Variants in SLC5A7 observed in about 807,000 individuals in gnomAD.
SLC5A7 encodes the protein high affinity choline transporter 1.
In SLC5A7, 19 loss-of-function variants were observed where a neutral mutation model predicts 55.4. The observed-to-expected ratio is 0.34, with a 90% CI of 0.24 to 0.50. The LOEUF (loss-of-function observed/expected upper bound fraction) is 0.50. Among genes scored for constraint, SLC5A7 ranks in the 20% least tolerant of loss-of-function variants. The probability of loss-of-function intolerance (pLI) is 0.98; values close to 1 mark genes in which losing one functional copy is unlikely to be tolerated. For missense variants in SLC5A7, 506 were observed against 705.3 expected (o/e 0.72, Z 3.20); for synonymous variants, 265 against 263.7 (o/e 1.00, Z -0.05).
intron 6 of SLC5A7, among the ~76,000 whole-genome samples, chr2:108,005,459 G>A (rs1409990187): frequency 6.6e-6 from 1 of 152,152 alleles, no homozygotes; most frequent in East Asian, 1.9e-4. Context: ...TTTAAATACA[G>A]TTCAAAATAG....
rs1000327849 is a variant in SLC5A7, at chr2:108,012,244, A to G, written c.*1383A>G. The G allele has an allele frequency of 2.0e-5, 3 of 152,114 alleles. No homozygotes were observed. The highest frequency in any genetic ancestry group is 6.6e-5 in the Admixed American group (1 of 15,240). 9.4% of individuals were successfully genotyped at this position (152,114 alleles called of 1,614,324 possible). A position where few individuals can be genotyped will look rare whatever the true frequency, so the allele number is the denominator to read the frequency against. On this transcript the variant is annotated 3_prime_UTR_variant, in exon 9 of 9. Coordinates refer to ENST00000264047, the MANE Select transcript of SLC5A7 (RefSeq NM_021815.5). Reference sequence around the variant, plus strand: ...AGTGTTTTCACACCAGTCACACATTATAGAAATTACTGGAGCCATGTCTAC... The same window carrying G: ...AGTGTTTTCACACCAGTCACACATTGTAGAAATTACTGGAGCCATGTCTAC...
At position 108,009,747 on chromosome 2, in the gene SLC5A7, T is replaced by C. The variant is rs1678245020; in HGVS notation, c.1114-485T>C. Among the ~76,000 whole-genome samples the C allele has an allele frequency of 2.0e-5, 3 of 152,334 alleles. No homozygotes were observed. The South Asian group carries it at 6.2e-4, about 32-fold the overall frequency. On this transcript the variant is annotated intron_variant, in intron 8 of 8. Transcript: ENST00000264047. ...TTGGGTTGGTTCCATGACTTTGTTA[T>C]TGTAAATAGTGCTGCAATAAACGTA...
chr2:107,987,123 C>T (rs1316893019), intron 1 of SLC5A7, among the ~76,000 whole-genome samples: 2 of 152,040 alleles, frequency 1.3e-5, no homozygotes, highest in Non-Finnish European at 1.5e-5. Flanking sequence ...CCCAACGTCT[C>T]TTCACCCACC....
In SLC5A7 at chr2:108,010,276, T is replaced by C; in HGVS notation, c.1158T>C (p.Phe386=). 6.2e-7 allele frequency: 1 copy of C among 1,613,952 alleles called. No individual in the cohort carries two copies. The highest frequency in any genetic ancestry group is 8.5e-7 in the Non-Finnish European group (1 of 1,179,910). The stretch of plus-strand genomic sequence containing the variant: ...TTTGGGTTATGCGAATCACAGTGTT[T>C]GTGTTTGGAGCATCTGCAACAGCCA... ...EIVWVMRITV[F]VFGASATAMA... is the part of the protein sequence containing the mutation. The change falls in exon 9 of 9, where the codon TTT becomes TTC. Residue 386 remains phenylalanine, a synonymous_variant. Coordinates refer to ENST00000264047, the MANE Select transcript of SLC5A7 (RefSeq NM_021815.5).
chr2:107,990,172 A>ATGAGT (rs1436211103), intron 2 of SLC5A7, among the ~76,000 whole-genome samples: 8 of 152,238 alleles, frequency 5.3e-5, no homozygotes, highest in Non-Finnish European at 1.0e-4. Flanking sequence ...TGGATCTGAC[A>ATGAGT]CAAAATATAC....
intron 5 of SLC5A7, among the ~76,000 whole-genome samples, chr2:107,998,505 GT>G (rs1485770440): frequency 3.3e-5 from 5 of 152,044 alleles, no homozygotes; most frequent in African/African-American, 1.2e-4. Context: ...ATTATCTATT[GT>G]TTTTATTATA....
In SLC5A7 at chr2:108,010,337, T is replaced by A. The variant is rs1678270592; in HGVS notation, c.1219T>A (p.Tyr407Asn). The change falls in exon 9 of 9, where the codon TAC (tyrosine) becomes AAC (asparagine). Residue 407 changes from tyrosine to asparagine, a missense_variant. This residue lies in a region of SLC5A7 where 309 missense variants were observed against 478.6 expected (regional missense o/e 0.65). Coordinates refer to ENST00000264047, the MANE Select transcript of SLC5A7 (RefSeq NM_021815.5). ...GACGAAAACTGTGTATGGGCTCTGGTACCTCAGTTCTGACCTTGTTTACAT... is the reference window on the plus strand; with the variant it reads ...GACGAAAACTGTGTATGGGCTCTGGAACCTCAGTTCTGACCTTGTTTACAT... ...LLTKTVYGLW[Y>N]LSSDLVYIVI... 6.2e-7 allele frequency: 1 copy of A among 1,613,852 alleles called. No individual in the cohort carries two copies. Among genetic ancestry groups the A allele is most frequent in the African/African-American group, 1.3e-5 (1 of 74,898 alleles).
rs869199323 is a variant in SLC5A7 at position 107,995,468 on chromosome 2, A to AGTGTGTGT, written c.448+2342_448+2343insTGTGTGTG. ...GGGAGAGAGAGAGAGAGAGAGAGAG[A>AGTGTGTGT]GAGTGTGTGTGTGTGTGTGTGTGTG... On this transcript the variant is annotated intron_variant, in intron 4 of 8. Transcript: ENST00000264047. Among the ~76,000 whole-genome samples the AGTGTGTGT allele has an allele frequency of 8.8e-4, 110 of 125,516 alleles. 1 individual carries two copies. Among genetic ancestry groups the AGTGTGTGT allele is most frequent in the Middle Eastern group, 4.3e-3 (1 of 234 alleles). The allele number at this position is 125,516 out of a possible 152,430, so 82.3% of individuals were successfully genotyped here.
intron 4 of SLC5A7, among the ~76,000 whole-genome samples, chr2:107,994,443 C>T (rs935692238): frequency 2.6e-5 from 4 of 151,948 alleles, no homozygotes; most frequent in Non-Finnish European, 5.9e-5. Flanking sequence ...ATTAGCCAGG[C>T]GTGGTGGCGG....
chr2:108,008,721 T>G, intron 8 of SLC5A7, 39 bp downstream of exon 8: 2 of 1,504,122 alleles, frequency 1.3e-6, no homozygotes, highest in South Asian at 1.2e-5. Context: ...TTACTAGCAT[T>G]GCTCTTGCTG....
rs994084921 is a variant in SLC5A7 at position 108,012,465 on chromosome 2, T to C, written c.*1604T>C. ...TGACCCTAGAATTCCTTTTATAAGA[T>C]TTAATTGTAATTGTCTCAAAGCATC... On this transcript the variant is annotated 3_prime_UTR_variant, in exon 9 of 9. Transcript: ENST00000264047. 6.6e-6 allele frequency: 1 copy of C among 152,154 alleles called. No homozygotes were observed. Among genetic ancestry groups the C allele is most frequent in the Non-Finnish European group, 1.5e-5 (1 of 68,022 alleles). The allele number at this position is 152,154 out of a possible 1,614,324, so 9.4% of individuals were successfully genotyped here.
chr2:107,991,866 T>G (rs988482013), intron 2 of SLC5A7, among the ~76,000 whole-genome samples: 4 of 152,196 alleles, frequency 2.6e-5, no homozygotes. Context: ...AATAGGTAAA[T>G]TAATGTTAAT....
At chr2:108,006,367 A>C (rs1488182416) in intron 7 of SLC5A7, among the ~76,000 whole-genome samples, 165 bp downstream of exon 7, 3 of 147,514 alleles carry the variant, frequency 2.0e-5, no homozygotes, top group Non-Finnish European at 4.5e-5. Context: ...TATATAGTTC[A>C]GCGGCCTCCA....
chr2:108,001,850 C>T (rs1293671810), intron 5 of SLC5A7, 47 bp from the exon 6 acceptor site: 2 of 1,603,358 alleles, frequency 1.2e-6, no homozygotes, highest in Non-Finnish European at 1.7e-6. Context: ...ATATATCAGA[C>T]AGTTGAAAAC....
chr2:108,010,110 T>C (rs1462011765), intron 8 of SLC5A7, 122 bp from the exon 9 acceptor site: 13 of 1,221,714 alleles, frequency 1.1e-5, no homozygotes, highest in South Asian at 1.6e-5. Flanking sequence ...TTCCCATAGA[T>C]TGAGCCATTT....
In SLC5A7 at chr2:107,997,913, A is replaced by G. The variant is rs1331713195; in HGVS notation, c.524A>G (p.Tyr175Cys). The change falls in exon 5 of 9, where the codon TAC (tyrosine) becomes TGC (cysteine). Residue 175 changes from tyrosine (Y) to cysteine (C), a missense_variant. Physicochemically the swap from Tyr to Cys is radical, Grantham distance 194. This residue lies in a region of SLC5A7 where 309 missense variants were observed against 478.6 expected (regional missense o/e 0.65). Coordinates refer to ENST00000264047, the MANE Select transcript of SLC5A7 (RefSeq NM_021815.5). The stretch of plus-strand genomic sequence containing the variant: ...ATCTCTGCACTCATTGCCACTCTGT[A>G]CACACTGGTGGGAGGGCTCTATTCT... The part of the protein sequence containing the change: ...VIISALIATL[Y>C]TLVGGLYSVA... The G allele has an allele frequency of 1.2e-6, 2 of 1,614,082 alleles. No individual in the cohort carries two copies. Among genetic ancestry groups the G allele is most frequent in the Non-Finnish European group, 8.5e-7 (1 of 1,179,972 alleles).
At chr2:107,997,734 C>G in intron 4 of SLC5A7, 104 bp from the exon 5 acceptor site, 1 of 1,187,050 alleles carries the variant, frequency 8.4e-7, no homozygotes, top group Non-Finnish European at 1.1e-6. Flanking sequence ...TTTCATATGA[C>G]AGAGAGAAAA....
At chr2:107,997,028 C>T (rs1677697100) in intron 4 of SLC5A7, among the ~76,000 whole-genome samples, 1 of 152,092 alleles carries the variant, frequency 6.6e-6, no homozygotes, top group Non-Finnish European at 1.5e-5. Context: ...CTATCAAAGC[C>T]TAGTAGGGGG....
At chr2:108,002,464 C>T (rs1677950764) in intron 6 of SLC5A7, among the ~76,000 whole-genome samples, 1 of 151,932 alleles carries the variant, frequency 6.6e-6, no homozygotes, top group African/African-American at 2.4e-5. Flanking sequence ...TGCTAGAGGC[C>T]CTAAGTGAGG....
Sources: gnomAD v4.1 joint callset for allele counts (sites outside exome capture counted in the v4.1 genomes callset) on GRCh38, gnomAD v4.1.1 for gene constraint, gnomAD v4.1.1 regional missense constraint, MANE v1.5 for transcripts, NCBI Gene and HGNC (gene_info 2026-07-23, HGNC 2026-07-21) for gene names.